The following KCTD8 variants were observed in gnomAD, a reference collection of about 807,000 sequenced individuals.
KCTD8 encodes BTB/POZ domain-containing protein KCTD8.
Under a neutral mutation model 31.5 loss-of-function variants are expected in KCTD8, and 27 were observed. The observed-to-expected ratio is 0.86, with a 90% CI of 0.63 to 1.18. The LOEUF (loss-of-function observed/expected upper bound fraction) is 1.18, where lower values mean the gene tolerates loss of function less well. Ranked by LOEUF, KCTD8 falls within the 50% of genes most tolerant of loss-of-function variation. KCTD8 has a pLI of 0.00. For missense variants in KCTD8, 658 were observed against 647.7 expected, an observed-to-expected ratio of 1.02 and a Z score of -0.17; for synonymous variants, 290 against 280.0, an observed-to-expected ratio of 1.04 and a Z score of -0.36.
At chr4:44,320,837 A>G (rs1048216069) in intron 1 of KCTD8, among the ~76,000 whole-genome samples, 1 of 151,782 alleles carries the variant, frequency 6.6e-6, no homozygotes, top group African/African-American at 2.4e-5. Flanking sequence ...AAAAAAAAAA[A>G]AGCCAATTAA....
chr4:44,211,295 A>G (rs1714478255), intron 1 of KCTD8, among the ~76,000 whole-genome samples: 2 of 152,172 alleles, frequency 1.3e-5, no homozygotes, highest in Non-Finnish European at 2.9e-5. Context: ...ACATCTACAT[A>G]TTTCATAAAG....
intron 1 of KCTD8, among the ~76,000 whole-genome samples, chr4:44,278,642 C>T (rs906847102): frequency 2.0e-5 from 3 of 151,974 alleles, no homozygotes; most frequent in South Asian, 2.1e-4. Context: ...ACTTGGAAAA[C>T]GCATCACATT....
chr4:44,336,463 T>C (rs927813153), intron 1 of KCTD8, among the ~76,000 whole-genome samples: 20 of 152,074 alleles, frequency 1.3e-4, no homozygotes, highest in Non-Finnish European at 2.1e-4. Flanking sequence ...AAGCCTATCA[T>C]ACTCAATTAG....
chr4:44,444,442 T>C (rs1161109224), intron 1 of KCTD8, among the ~76,000 whole-genome samples: 1 of 152,192 alleles, frequency 6.6e-6, no homozygotes, highest in South Asian at 2.1e-4. Context: ...TGCAAAATAA[T>C]TTTTCCATTA....
In KCTD8 at chr4:44,433,171, G is replaced by A. The variant is rs150819096; in HGVS notation, c.961+14392C>T. ...TATTATTTTCTCCTTAGGGACAGAAGCAGGGACTCACTCATCCAGTATATC... is the reference window on the plus strand; with the variant it reads ...TATTATTTTCTCCTTAGGGACAGAAACAGGGACTCACTCATCCAGTATATC... On this transcript the variant is annotated intron_variant, in intron 1 of 1. Coordinates refer to ENST00000360029, the MANE Select transcript of KCTD8 (RefSeq NM_198353.3). Among the ~76,000 whole-genome samples, 947 of 150,150 alleles carry A rather than the reference G, an allele frequency of 6.3e-3. 2 individuals are homozygous for A. The highest frequency in any genetic ancestry group is 9.9e-3 in the Non-Finnish European group (668 of 67,704).
chr4:44,222,718 G>T (rs1365429046), intron 1 of KCTD8, among the ~76,000 whole-genome samples: 2 of 152,140 alleles, frequency 1.3e-5, no homozygotes, highest in Non-Finnish European at 2.9e-5. Flanking sequence ...GAAATTCTGG[G>T]AATTCTAGTT....
Position 44,448,678 on chromosome 4 carries a change from AGCG to A in KCTD8, c.-158_-156del, listed in dbSNP as rs111525752. ...GGCGGCCCCGCTCAGGGTTCGGGGC[AGCG>A]GCGGCGTCGGCGGCGCCCGAGCTCC... On this transcript the variant is annotated 5_prime_UTR_variant, in exon 1 of 2. Coordinates refer to ENST00000360029, the MANE Select transcript of KCTD8 (RefSeq NM_198353.3). This position sits in a 1 kb window ranked among gnomAD's most constrained non-coding sequence, Gnocchi z 4.1. 1 of 757,414 alleles carries A rather than the reference AGCG, an allele frequency of 1.3e-6. No individual in the cohort carries two copies. 46.9% of individuals were successfully genotyped at this position (757,414 alleles called of 1,614,324 possible).
In KCTD8 at chr4:44,394,902, C is replaced by T. The variant is rs143145778; in HGVS notation, c.961+52661G>A. Among the ~76,000 whole-genome samples the T allele has an allele frequency of 3.5e-4, 53 of 152,194 alleles. 1 individual carries two copies. The East Asian group carries it at 9.5e-3, about 27-fold the overall frequency. On this transcript the variant is annotated intron_variant, in intron 1 of 1. Transcript: ENST00000360029. The stretch of plus-strand genomic sequence containing the variant: ...TGATGTAGGTCTTGTTCCAGTGACT[C>T]GACAATAGAGGCCTTAACTCTGTGA...
intron 1 of KCTD8, among the ~76,000 whole-genome samples, chr4:44,361,294 C>T (rs192971169): frequency 2.6e-5 from 4 of 152,062 alleles, no homozygotes; most frequent in East Asian, 1.9e-4. Context: ...ATACTAGACA[C>T]GTTAAGAAGT....
rs1001511874 is a variant in KCTD8 at position 44,447,582 on chromosome 4, G to T, written c.942C>A (p.Tyr314Ter). ...QYRDDKIWSS[Y>*]TEYIFFRPPQ... ...ACTTACGGAAGAAAATGTACTCGGTGTAGCTGCTCCAGATCTTGTCGTCGC... is the reference window on the plus strand; with the variant it reads ...ACTTACGGAAGAAAATGTACTCGGTTTAGCTGCTCCAGATCTTGTCGTCGC... The change falls in exon 1 of 2, where the codon TAC becomes TAA. Residue 314 changes from tyrosine to a stop codon, truncating the protein, a stop_gained. Transcript: ENST00000360029. LOFTEE classifies it high-confidence loss of function. 6.3e-7 allele frequency: 1 copy of T among 1,592,482 alleles called. No homozygotes were observed. The highest frequency in any genetic ancestry group is 8.6e-7 in the Non-Finnish European group (1 of 1,168,366).
intron 1 of KCTD8, among the ~76,000 whole-genome samples, chr4:44,200,985 A>C (rs1216962096): frequency 1.3e-5 from 2 of 152,122 alleles, no homozygotes; most frequent in African/African-American, 4.8e-5. Flanking sequence ...TTAGTGTACA[A>C]AAATCAATGG....
At chr4:44,344,098 C>T (rs1718977082) in intron 1 of KCTD8, among the ~76,000 whole-genome samples, 1 of 152,032 alleles carries the variant, frequency 6.6e-6, no homozygotes, top group Admixed American at 6.6e-5. Flanking sequence ...ACCTTGTGAT[C>T]CACCCACCTC....
chr4:44,424,346 C>T (rs1008118653), intron 1 of KCTD8, among the ~76,000 whole-genome samples: 13 of 152,066 alleles, frequency 8.5e-5, no homozygotes, highest in African/African-American at 2.7e-4. Context: ...TCACTCCCAA[C>T]CCAGCATAGG....
At chr4:44,300,502 G>A (rs1410799621) in intron 1 of KCTD8, among the ~76,000 whole-genome samples, 1 of 151,960 alleles carries the variant, frequency 6.6e-6, no homozygotes, top group African/African-American at 2.4e-5. Flanking sequence ...TGTATAACAT[G>A]AGAAAACATT....
chr4:44,288,382 G>A (rs571829227), intron 1 of KCTD8, among the ~76,000 whole-genome samples: 3 of 152,142 alleles, frequency 2.0e-5, no homozygotes, highest in South Asian at 4.1e-4. Flanking sequence ...AACTGACAAT[G>A]AAATCTAGCT....
chr4:44,396,808 A>T (rs2109453734), intron 1 of KCTD8, among the ~76,000 whole-genome samples: 1 of 152,244 alleles, frequency 6.6e-6, no homozygotes, highest in African/African-American at 2.4e-5. Context: ...GGAAATATAA[A>T]TTGTTAGGAG....
chr4:44,196,372 GAC>G (rs2109337182), intron 1 of KCTD8, among the ~76,000 whole-genome samples: 1 of 152,286 alleles, frequency 6.6e-6, no homozygotes, highest in East Asian at 1.9e-4. Context: ...TTTCTGGTAA[GAC>G]ACGATATGCA....
At chr4:44,206,070 C>T (rs1322789706) in intron 1 of KCTD8, among the ~76,000 whole-genome samples, 2 of 151,906 alleles carry the variant, frequency 1.3e-5, no homozygotes, top group Non-Finnish European at 2.9e-5. Context: ...ACAGTGAAGG[C>T]AAGCTTTCTT....
intron 1 of KCTD8, among the ~76,000 whole-genome samples, chr4:44,412,860 G>T (rs1280376466): frequency 6.6e-6 from 1 of 152,172 alleles, no homozygotes; most frequent in Admixed American, 6.5e-5. Flanking sequence ...GAGACTTTGT[G>T]TAGATAATCT....
Sources: gnomAD v4.1 joint callset for allele counts (sites outside exome capture counted in the v4.1 genomes callset) on GRCh38, gnomAD v4.1.1 for gene constraint, Gnocchi (gnomAD v3.1) non-coding constraint, MANE v1.5 for transcripts, NCBI Gene and HGNC (gene_info 2026-07-23, HGNC 2026-07-21) for gene names.